The following PLPPR1 variants were observed in gnomAD, a reference collection of about 807,000 sequenced individuals.
PLPPR1 encodes the protein phospholipid phosphatase related 1.
PLPPR1 carries 10 observed loss-of-function variants against 33.1 expected under a neutral mutation model. The observed-to-expected ratio is 0.30, with a 90% CI of 0.19 to 0.51. PLPPR1 has a LOEUF of 0.51. Ranked by LOEUF, PLPPR1 falls within the 20% of genes least tolerant of loss-of-function variation. The pLI is 0.97. For synonymous variants in PLPPR1, 151 were observed against 151.0 expected, an observed-to-expected ratio of 1.00 and a Z score of 0.00; for missense variants, 304 against 408.1, an observed-to-expected ratio of 0.74 and a Z score of 2.20.
intron 1 of PLPPR1, among the ~76,000 whole-genome samples, chr9:101,182,768 A>G (rs780984352): frequency 2.0e-5 from 3 of 151,826 alleles, no homozygotes; most frequent in Non-Finnish European, 4.4e-5. Context: ...AGATTTGTAT[A>G]TAGACTGTAC....
At chr9:101,322,824 A>T (rs1252839394) in intron 7 of PLPPR1, among the ~76,000 whole-genome samples, 1 of 152,210 alleles carries the variant, frequency 6.6e-6, no homozygotes, top group Non-Finnish European at 1.5e-5. Context: ...AATAAGGTTG[A>T]TCTGATGTGC....
At chr9:101,164,588 G>A (rs999893778) in intron 1 of PLPPR1, among the ~76,000 whole-genome samples, 11 of 151,872 alleles carry the variant, frequency 7.2e-5, no homozygotes, top group African/African-American at 2.2e-4. Flanking sequence ...GACTGGTCTC[G>A]AACTCCTGGC....
At chr9:101,314,845 T>C (rs1413177904) in intron 6 of PLPPR1, among the ~76,000 whole-genome samples, 5 of 152,050 alleles carry the variant, frequency 3.3e-5, no homozygotes, top group South Asian at 2.1e-4. Flanking sequence ...ATTCTTCCTA[T>C]AGTGAAAGAT....
intron 1 of PLPPR1, among the ~76,000 whole-genome samples, chr9:101,134,212 CTG>C (rs1176126842): frequency 6.6e-6 from 1 of 152,254 alleles, no homozygotes; most frequent in Non-Finnish European, 1.5e-5. Flanking sequence ...CTGACTATAT[CTG>C]TGTGTTAAGC....
At chr9:101,115,759 CAG>C (rs1441643402) in intron 1 of PLPPR1, among the ~76,000 whole-genome samples, 1 of 152,158 alleles carries the variant, frequency 6.6e-6, no homozygotes, top group Non-Finnish European at 1.5e-5. Flanking sequence ...TCTTTATACT[CAG>C]AGAATTCCCT....
At chr9:101,037,701 C>T (rs1169116644) in intron 1 of PLPPR1, among the ~76,000 whole-genome samples, 2 of 152,230 alleles carry the variant, frequency 1.3e-5, no homozygotes, top group East Asian at 3.9e-4. Flanking sequence ...AGCCCACAGC[C>T]TTCCCTCCTG....
At chr9:101,187,503 A>G (rs1292723064) in intron 2 of PLPPR1, 12 of 152,012 alleles carry the variant, frequency 7.9e-5, no homozygotes, top group African/African-American at 2.9e-4. Context: ...CTTATTTTGC[A>G]TGGAAATTCT....
At chr9:101,299,779 A>G (rs74648959) in intron 4 of PLPPR1, among the ~76,000 whole-genome samples, 14,493 of 152,168 alleles carry the variant, frequency 0.095, 1,513 homozygotes, top group African/African-American at 0.26. Context: ...TCTTACCCTC[A>G]GCACTCTCGA....
At chr9:101,159,140 ATT>A (rs1831739737) in intron 1 of PLPPR1, among the ~76,000 whole-genome samples, 1 of 152,208 alleles carries the variant, frequency 6.6e-6, no homozygotes, top group Non-Finnish European at 1.5e-5. Flanking sequence ...AGAAGCTCTT[ATT>A]TGATTTAAAA....
intron 2 of PLPPR1, among the ~76,000 whole-genome samples, chr9:101,242,717 G>A (rs973040813): frequency 6.6e-6 from 1 of 152,072 alleles, no homozygotes; most frequent in Non-Finnish European, 1.5e-5. Flanking sequence ...TTTTGTGGAA[G>A]TGATGCCACA....
chr9:101,279,796 G>A (rs950237656), intron 3 of PLPPR1, among the ~76,000 whole-genome samples: 3 of 151,914 alleles, frequency 2.0e-5, no homozygotes, highest in African/African-American at 7.3e-5. Context: ...CAAAGTGGAT[G>A]GAATCAAGCA....
chr9:101,194,884 T>G (rs1176488513), intron 2 of PLPPR1, among the ~76,000 whole-genome samples: 1 of 152,214 alleles, frequency 6.6e-6, no homozygotes, highest in East Asian at 1.9e-4. Flanking sequence ...ATACATATAT[T>G]GACCCAGGCT....
rs117529925 is a variant in PLPPR1 at position 101,228,849 on chromosome 9, A to T, written c.64-41031A>T. On this transcript the variant is annotated intron_variant, in intron 2 of 7. Transcript: ENST00000374874. ...TGGGAGAGTAGATTGACTAGAGAAG[A>T]CCAATAGGAAGTTAATAGAAACTCG... Among the ~76,000 whole-genome samples, 565 of 152,276 alleles carry T rather than the reference A, an allele frequency of 3.7e-3. 2 individuals are homozygous for T. Among genetic ancestry groups the T allele is most frequent in the Middle Eastern group, 0.01 (3 of 294 alleles).
At chr9:101,038,451 A>G (rs187277702) in intron 1 of PLPPR1, among the ~76,000 whole-genome samples, 2 of 152,284 alleles carry the variant, frequency 1.3e-5, no homozygotes, top group East Asian at 3.9e-4. Context: ...GACTTAATAA[A>G]TGGCAAAAGC....
Position 101,185,485 on chromosome 9 carries a change from G to T in PLPPR1, c.-10G>T. The T allele has an allele frequency of 6.3e-7, 1 of 1,590,026 alleles. No homozygotes were observed. The highest frequency in any genetic ancestry group is 1.7e-5 in the Admixed American group (1 of 59,320). On this transcript the variant is annotated 5_prime_UTR_variant, in exon 2 of 8. An upstream start codon of the reference 5' UTR is lost. Transcript: ENST00000374874. ...TTTTGACGGTGCAGTCTTGCTATAT[G>T]GTGTGAGAAATGGCTGTAGGAAACA...
chr9:101,042,925 T>C (rs2256081), intron 1 of PLPPR1, among the ~76,000 whole-genome samples: 89,589 of 151,928 alleles, frequency 0.59, 26,440 homozygotes, highest in Non-Finnish European at 0.6. Flanking sequence ...TCCCTTTGCA[T>C]TTTTTTCCAT....
At position 101,228,755 on chromosome 9, in the gene PLPPR1, C is replaced by A. The variant is rs570252983; in HGVS notation, c.64-41125C>A. Reference sequence around the variant, plus strand: ...TAGACAGGAAAGGGGGAGTCATAATCTAAAACAGTTAAATAGTGAATTTTG... The same window carrying A: ...TAGACAGGAAAGGGGGAGTCATAATATAAAACAGTTAAATAGTGAATTTTG... On this transcript the variant is annotated intron_variant, in intron 2 of 7. Transcript: ENST00000374874. 1.2e-3 allele frequency among the ~76,000 whole-genome samples: 189 copies of A among 152,126 alleles called. 4 individuals carry two copies. In the Middle Eastern group the frequency reaches 0.014, roughly 11 times the overall value.
At chr9:101,306,905 G>A (rs747302504) in intron 4 of PLPPR1, among the ~76,000 whole-genome samples, 12 of 152,318 alleles carry the variant, frequency 7.9e-5, no homozygotes, top group South Asian at 2.1e-4. Context: ...CACAAGGAGC[G>A]TAGGGTGAAG....
intron 2 of PLPPR1, among the ~76,000 whole-genome samples, chr9:101,233,528 G>T (rs1006638202): frequency 2.0e-5 from 3 of 151,926 alleles, no homozygotes; most frequent in African/African-American, 7.2e-5. Context: ...AATTGCCATT[G>T]TAACAGTATT....
Sources: allele counts gnomAD v4.1 joint callset (sites outside exome capture counted in the v4.1 genomes callset), GRCh38; gene constraint gnomAD v4.1.1; transcripts MANE v1.5; gene names NCBI Gene and HGNC (gene_info 2026-07-23, HGNC 2026-07-21).